Variants in SLC12A6 observed in about 807,000 individuals in gnomAD.
SLC12A6 encodes solute carrier family 12 member 6.
Under a neutral mutation model 135.3 loss-of-function variants are expected in SLC12A6, and 66 were observed. The observed-to-expected ratio is 0.49, with a 90% CI of 0.40 to 0.60. The LOEUF is 0.60. SLC12A6 is among the 20% of genes least tolerant of loss of function. The pLI, the probability that SLC12A6 is intolerant of heterozygous loss-of-function variation, is 0.00. For missense variants in SLC12A6, 1,058 were observed against 1,452.3 expected, an observed-to-expected ratio of 0.73 and a Z score of 4.41; for synonymous variants, 513 against 508.8, an observed-to-expected ratio of 1.01 and a Z score of -0.11.
Position 34,243,969 on chromosome 15 carries a change from C to T in SLC12A6, c.2042+5G>A. 6.6e-7 allele frequency: 1 copy of T among 1,513,874 alleles called. No homozygotes were observed. The highest frequency in any genetic ancestry group is 2.3e-5 in the East Asian group (1 of 44,408). The allele number at this position is 1,513,874 out of a possible 1,614,324, so 93.8% of individuals were successfully genotyped here. A position where few individuals can be genotyped will look rare whatever the true frequency, so the allele number is the denominator to read the frequency against. ...GAGTAAAAAGAATAAAAGAAGCAGA[C>T]TTACCAATGGTAGTAGCGGAATCGG... On this transcript the variant is annotated splice_donor_5th_base_variant and intron_variant, in intron 16 of 25. Transcript: ENST00000354181.
chr15:34,315,378 A>G (rs1888567638), intron 2 of SLC12A6, among the ~76,000 whole-genome samples: 1 of 152,164 alleles, frequency 6.6e-6, no homozygotes, highest in African/African-American at 2.4e-5. Context: ...CAGCAAAAAG[A>G]TTATTACTCA....
intron 4 of SLC12A6, among the ~76,000 whole-genome samples, chr15:34,260,509 C>T (rs550920650): frequency 1.3e-5 from 2 of 152,198 alleles, no homozygotes; most frequent in Non-Finnish European, 2.9e-5. Context: ...CCACCCGCCT[C>T]GGCCTCCCAA....
Position 34,260,912 on chromosome 15 carries a change from C to T in SLC12A6, c.411+14G>A. 9.1e-7 allele frequency: 1 copy of T among 1,092,994 alleles called. No individual in the cohort carries two copies. Among genetic ancestry groups the T allele is most frequent in the Non-Finnish European group, 1.4e-6 (1 of 704,144 alleles). The allele number at this position is 1,092,994 out of a possible 1,614,324, so 67.7% of individuals were successfully genotyped here. On this transcript the variant is annotated intron_variant, in intron 4 of 25. Coordinates refer to ENST00000354181, the MANE Select transcript of SLC12A6 (RefSeq NM_001365088.1). ...TCCTAAAGTCTCAGTCCATAGTTTT[C>T]TCCAAAATATTACCTCAAAGAGTGC...
At position 34,275,375 on chromosome 15, in the gene SLC12A6, A is replaced by C; in HGVS notation, c.286T>G (p.Ser96Ala). 1.3e-6 allele frequency: 2 copies of C among 1,535,820 alleles called. No individual in the cohort carries two copies. The highest frequency in any genetic ancestry group is 1.8e-6 in the Non-Finnish European group (2 of 1,109,208). ...AGTTGGCTGTGTTCCCCTGTGATGG[A>C]GTTCTGACTCAGGTCTGAAAAACAA... ...QDVIEDLSQN[S>A]ITGEHSQLLD... The change falls in exon 3 of 26, where the codon TCC becomes GCC. Residue 96 changes from serine to alanine, a missense_variant. Ser to Ala is a moderately conservative substitution (Grantham distance 99, BLOSUM62 1). Around this residue, in one of 6 missense-constraint regions of SLC12A6, gnomAD observed 176 missense variants for 168.9 expected, o/e 1.04. Coordinates refer to ENST00000354181, the MANE Select transcript of SLC12A6 (RefSeq NM_001365088.1).
chr15:34,276,910 G>A (rs534572771), intron 2 of SLC12A6, among the ~76,000 whole-genome samples: 1 of 152,236 alleles, frequency 6.6e-6, no homozygotes, highest in African/African-American at 2.4e-5. Context: ...GTATATTGGA[G>A]TATACACTAT....
intron 2 of SLC12A6, among the ~76,000 whole-genome samples, chr15:34,323,369 G>C (rs959590886): frequency 6.7e-6 from 1 of 149,032 alleles, no homozygotes; most frequent in African/African-American, 2.4e-5. Context: ...TGTTAGGAAC[G>C]GGGCCCGCAC....
intron 2 of SLC12A6, among the ~76,000 whole-genome samples, chr15:34,323,652 T>C (rs1471651362): frequency 6.6e-6 from 1 of 152,132 alleles, no homozygotes; most frequent in African/African-American, 2.4e-5. Context: ...GGACTGCTGA[T>C]TTAAAAGACT....
Position 34,316,909 on chromosome 15 carries a change from G to T in SLC12A6, c.271+19501C>A, listed in dbSNP as rs1009415625. Among the ~76,000 whole-genome samples the T allele has an allele frequency of 2.0e-5, 3 of 152,262 alleles. No homozygotes were observed. The East Asian group carries it at 5.8e-4, about 29-fold the overall frequency. On this transcript the variant is annotated intron_variant, in intron 2 of 25. Transcript: ENST00000354181. Reference sequence around the variant, plus strand: ...TTCGTTTGCAGCTTATGAAATTAACGAAGACAACAGCAAAGACAAAAGCCT... The same window carrying T: ...TTCGTTTGCAGCTTATGAAATTAACTAAGACAACAGCAAAGACAAAAGCCT...
chr15:34,303,051 T>G (rs1377793436), intron 2 of SLC12A6, among the ~76,000 whole-genome samples: 3 of 151,990 alleles, frequency 2.0e-5, no homozygotes, highest in African/African-American at 7.3e-5. Context: ...ATATTTCACA[T>G]TTTCATTTTA....
rs7598 is a variant in SLC12A6, at chr15:34,229,978, T to C, written c.*3903A>G. The C allele has an allele frequency of 6.9e-3, 4,349 of 632,254 alleles. 141 individuals are homozygous for C. In the African/African-American group the frequency reaches 0.073, roughly 11 times the overall value. The allele number at this position is 632,254 out of a possible 1,614,324, so 39.2% of individuals were successfully genotyped here. A position where few individuals can be genotyped will look rare whatever the true frequency, so the allele number is the denominator to read the frequency against. ...CATATTACGACAAACACAAAGAAAC[T>C]ATACCATAACCCAAGGCTGAAAATA... On this transcript the variant is annotated 3_prime_UTR_variant, in exon 26 of 26. Coordinates refer to ENST00000354181, the MANE Select transcript of SLC12A6 (RefSeq NM_001365088.1).
At chr15:34,327,804 TTC>T (rs552678170) in intron 2 of SLC12A6, among the ~76,000 whole-genome samples, 52 of 152,308 alleles carry the variant, frequency 3.4e-4, no homozygotes, top group African/African-American at 1.2e-3. Context: ...GTGTTCTCTC[TTC>T]TCTCTTTTTT....
At chr15:34,276,274 T>C (rs1051503618) in intron 2 of SLC12A6, among the ~76,000 whole-genome samples, 3 of 152,216 alleles carry the variant, frequency 2.0e-5, no homozygotes, top group Admixed American at 1.3e-4. Flanking sequence ...AAAATACTTA[T>C]GGCTATAGCA....
In SLC12A6 at chr15:34,255,644, G is replaced by C. The variant is rs148518785; in HGVS notation, c.746-252C>G. ...CCAGCATTTACTTAGAAAAAAATTA[G>C]AGAATATTTACTATGACATGAGACA... On this transcript the variant is annotated intron_variant, in intron 7 of 25. Transcript: ENST00000354181. Among the ~76,000 whole-genome samples, 1,689 of 152,180 alleles carry C rather than the reference G, an allele frequency of 0.011. 40 individuals carry two copies. The highest frequency in any genetic ancestry group is 0.038 in the African/African-American group (1,596 of 41,506).
intron 2 of SLC12A6, among the ~76,000 whole-genome samples, chr15:34,308,278 C>T (rs773140056): frequency 2.0e-5 from 3 of 151,998 alleles, no homozygotes; most frequent in Non-Finnish European, 2.9e-5. Flanking sequence ...ATTTCTATCT[C>T]GCTGATAATT....
chr15:34,330,616 C>T (rs1055760131), intron 2 of SLC12A6, among the ~76,000 whole-genome samples: 7 of 151,240 alleles, frequency 4.6e-5, no homozygotes, highest in African/African-American at 1.2e-4. Flanking sequence ...TGCAGTGAGC[C>T]GTGATCACAC....
At position 34,238,985 on chromosome 15, in the gene SLC12A6, C is replaced by T. The variant is rs151155752; in HGVS notation, c.2612G>A (p.Arg871His). The change falls in exon 20 of 26, where the codon CGC (arginine) becomes CAC (histidine). Residue 871 changes from arginine (R) to histidine (H), a missense_variant. Transcript: ENST00000354181. ...PNGWRQSEDA[R>H]AWKTFIGTVR... ...AGTACCAATAAAAGTCTTCCAAGCG[C>T]GGGCATCTTCGCTTTGACGCCAGCC... 9.9e-6 allele frequency: 16 copies of T among 1,613,916 alleles called. No homozygotes were observed. The highest frequency in any genetic ancestry group is 1.6e-4 in the Middle Eastern group (1 of 6,082).
At chr15:34,250,045 T>C (rs1892278090) in intron 13 of SLC12A6, among the ~76,000 whole-genome samples, 1 of 152,146 alleles carries the variant, frequency 6.6e-6, no homozygotes, top group Admixed American at 6.5e-5. Context: ...GCCAGGACTG[T>C]AGGTGCACAC....
chr15:34,231,414 TAAACTC>T lies in SLC12A6; in HGVS notation c.*2461_*2466del, dbSNP rs1287145177. The T allele has an allele frequency of 2.0e-5, 3 of 151,830 alleles. No individual in the cohort carries two copies. In the East Asian group the frequency reaches 5.8e-4, roughly 29 times the overall value. 9.4% of individuals were successfully genotyped at this position (151,830 alleles called of 1,614,324 possible). On this transcript the variant is annotated 3_prime_UTR_variant, in exon 26 of 26. Transcript: ENST00000354181. ...CCTGCAGGACATGACTCACTACTGT[TAAACTC>T]AACTAAGCAATGGAGTGTTGCAGTG...
chr15:34,262,757 C>T (rs1893236360), intron 3 of SLC12A6, among the ~76,000 whole-genome samples: 1 of 152,182 alleles, frequency 6.6e-6, no homozygotes, highest in Non-Finnish European at 1.5e-5. Context: ...GCAGCAATCC[C>T]TACATACAGC....
Sources: allele counts gnomAD v4.1 joint callset (sites outside exome capture counted in the v4.1 genomes callset), GRCh38; gene constraint gnomAD v4.1.1; regional missense constraint gnomAD v4.1.1; transcripts MANE v1.5; gene names NCBI Gene and HGNC (gene_info 2026-07-23, HGNC 2026-07-21).